ZNF431: variants seen among roughly 807,000 people sequenced by gnomAD.
ZNF431 encodes the protein zinc finger protein 431.
A neutral mutation model predicts 57.0 loss-of-function variants in ZNF431; 34 were observed. The ratio of observed to expected loss-of-function variants is 0.60; its 90% confidence interval spans 0.45 to 0.79. The LOEUF is 0.79. Ranked by LOEUF, ZNF431 falls within the 30% of genes least tolerant of loss-of-function variation. The pLI, the probability that ZNF431 is intolerant of heterozygous loss-of-function variation, is 0.00. For missense variants in ZNF431, 607 were observed against 667.1 expected, an observed-to-expected ratio of 0.91 and a Z score of 0.99; for synonymous variants, 207 against 220.3, an observed-to-expected ratio of 0.94 and a Z score of 0.54.
In ZNF431 at chr19:21,164,064, C is replaced by T. The variant is rs182014631; in HGVS notation, c.97-2271C>T. 6.7e-3 allele frequency among the ~76,000 whole-genome samples: 845 copies of T among 126,264 alleles called. 9 individuals are homozygous for T. The highest frequency in any genetic ancestry group is 0.026 in the African/African-American group (817 of 31,482). The allele number at this position is 126,264 out of a possible 152,430, so 82.8% of individuals were successfully genotyped here. A position where few individuals can be genotyped will look rare whatever the true frequency, so the allele number is the denominator to read the frequency against. On this transcript the variant is annotated intron_variant, in intron 2 of 4. Coordinates refer to ENST00000311048, the MANE Select transcript of ZNF431 (RefSeq NM_133473.4). ...CCATTACACTCGAGCCTGGTAAGAG[C>T]GTGAAACTCCATCTCAAAAAAAAAA...
Position 21,183,163 on chromosome 19 carries a change from C to A in ZNF431, c.860C>A (p.Pro287Gln). 3 of 1,613,868 alleles carry A rather than the reference C, an allele frequency of 1.9e-6. No homozygotes were observed. Among genetic ancestry groups the A allele is most frequent in the Non-Finnish European group, 2.5e-6 (3 of 1,179,928 alleles). Residue 287 changes from proline (P) to glutamine (Q), a missense_variant, in exon 5 of 5, where the codon CCA becomes CAA. Coordinates refer to ENST00000311048, the MANE Select transcript of ZNF431 (RefSeq NM_133473.4). ...THKIIHTGEK[P>Q]YRCEECGKAF... ...AAGATAATTCATACTGGGGAGAAAC[C>A]ATATAGATGTGAAGAATGTGGCAAA...
At chr19:21,169,359 G>T (rs1471727148) in intron 4 of ZNF431, among the ~76,000 whole-genome samples, 1 of 152,020 alleles carries the variant, frequency 6.6e-6, no homozygotes, top group African/African-American at 2.4e-5. Flanking sequence ...CATACTTTCA[G>T]TGCTACCTTA....
rs1207568929 is a variant in ZNF431 at position 21,186,045 on chromosome 19, G to A, written c.*2011G>A. On this transcript the variant is annotated 3_prime_UTR_variant, in exon 5 of 5. Transcript: ENST00000311048. ...GTCTGTAATCCCAGCACTTTGACAGGCTGAGCGAGGGAGTGGATCTTGAGG... is the reference window on the plus strand; with the variant it reads ...GTCTGTAATCCCAGCACTTTGACAGACTGAGCGAGGGAGTGGATCTTGAGG... 1.3e-5 allele frequency: 2 copies of A among 152,076 alleles called. No homozygotes were observed. The highest frequency in any genetic ancestry group is 2.9e-5 in the Non-Finnish European group (2 of 68,028). 9.4% of individuals were successfully genotyped at this position (152,076 alleles called of 1,614,324 possible).
intron 2 of ZNF431, among the ~76,000 whole-genome samples, chr19:21,164,703 T>C (rs966615787): frequency 3.3e-5 from 5 of 152,094 alleles, no homozygotes; most frequent in African/African-American, 1.2e-4. Flanking sequence ...CTCTGCCTCC[T>C]GGAGTGCCAT....
At chr19:21,151,973 G>A (rs1215096132) in intron 2 of ZNF431, among the ~76,000 whole-genome samples, 2 of 151,932 alleles carry the variant, frequency 1.3e-5, no homozygotes, top group Non-Finnish European at 2.9e-5. Context: ...CCATTTCCCC[G>A]AGTGGCCCTA....
intron 2 of ZNF431, among the ~76,000 whole-genome samples, chr19:21,151,478 A>G (rs1198569675): frequency 2.0e-5 from 3 of 152,214 alleles, no homozygotes; most frequent in Non-Finnish European, 2.9e-5. Context: ...TGAAAAGAAA[A>G]TTCAAGGTGG....
chr19:21,188,513 G>A lies in ZNF431; in HGVS notation c.*4479G>A, dbSNP rs1037216007. ...CAGAATCTTTTATTTTTAAGTGTGA[G>A]TGTTAAAGGTTACAAAATAATGAAA... is the stretch of plus-strand genomic sequence containing the variant. On this transcript the variant is annotated 3_prime_UTR_variant, in exon 5 of 5. Transcript: ENST00000311048. The A allele has an allele frequency of 6.6e-6, 1 of 152,120 alleles. No homozygotes were observed. The allele number at this position is 152,120 out of a possible 1,614,324, so 9.4% of individuals were successfully genotyped here. A position where few individuals can be genotyped will look rare whatever the true frequency, so the allele number is the denominator to read the frequency against.
chr19:21,149,125 A>G (rs549173484), intron 2 of ZNF431, among the ~76,000 whole-genome samples: 27 of 152,350 alleles, frequency 1.8e-4, no homozygotes, highest in African/African-American at 6.0e-4. Flanking sequence ...AGAATTTACT[A>G]TACAACATCT....
intron 2 of ZNF431, among the ~76,000 whole-genome samples, chr19:21,152,942 A>T (rs150666698): frequency 1.3e-5 from 2 of 152,236 alleles, no homozygotes; most frequent in African/African-American, 4.8e-5. Context: ...CCGTAAAGTG[A>T]TAGCAAGTTA....
At chr19:21,144,785 G>A (rs954380217) in intron 2 of ZNF431, among the ~76,000 whole-genome samples, 1 of 152,130 alleles carries the variant, frequency 6.6e-6, no homozygotes, top group East Asian at 1.9e-4. Context: ...TAATGTGGTA[G>A]ATAATTGGTG....
intron 2 of ZNF431, among the ~76,000 whole-genome samples, chr19:21,154,289 G>C (rs1337625591): frequency 6.6e-6 from 1 of 152,008 alleles, no homozygotes; most frequent in Non-Finnish European, 1.5e-5. Flanking sequence ...TTGTCCTTGC[G>C]ATAGTTTGCT....
chr19:21,180,095 C>T (rs1194841688), intron 4 of ZNF431, among the ~76,000 whole-genome samples: 2 of 152,230 alleles, frequency 1.3e-5, no homozygotes, highest in Middle Eastern at 3.4e-3. Flanking sequence ...CTATGTTGGT[C>T]AGGCTGGTCC....
At position 21,188,706 on chromosome 19, in the gene ZNF431, C is replaced by T. The variant is rs1458630264; in HGVS notation, c.*4672C>T. On this transcript the variant is annotated 3_prime_UTR_variant, in exon 5 of 5. Coordinates refer to ENST00000311048, the MANE Select transcript of ZNF431 (RefSeq NM_133473.4). ...GTAGCCAACTCTTGGGTCATTTTCT[C>T]TGAAAAACATTTGGAGATCATGACA... 6.6e-6 allele frequency: 1 copy of T among 152,106 alleles called. No individual in the cohort carries two copies. Among genetic ancestry groups the T allele is most frequent in the African/African-American group, 2.4e-5 (1 of 41,426 alleles). 9.4% of individuals were successfully genotyped at this position (152,106 alleles called of 1,614,324 possible).
rs981669826 is a variant in ZNF431 at position 21,195,072 on chromosome 19, G to C, written c.*11038G>C. 1 of 152,204 alleles carries C rather than the reference G, an allele frequency of 6.6e-6. No individual in the cohort carries two copies. The highest frequency in any genetic ancestry group is 1.5e-5 in the Non-Finnish European group (1 of 68,034). 9.4% of individuals were successfully genotyped at this position (152,204 alleles called of 1,614,324 possible). On this transcript the variant is annotated 3_prime_UTR_variant, in exon 5 of 5. Transcript: ENST00000311048. ...AATAACAACATTTGCAGGCTCATGAGAGCTGCCTGACAAAAAGCGTGTAAA... is the reference window on the plus strand; with the variant it reads ...AATAACAACATTTGCAGGCTCATGACAGCTGCCTGACAAAAAGCGTGTAAA...
At chr19:21,142,415 C>A (rs1969967465) in intron 1 of ZNF431, among the ~76,000 whole-genome samples, 1 of 152,180 alleles carries the variant, frequency 6.6e-6, no homozygotes, top group Non-Finnish European at 1.5e-5. Context: ...TGTGCCCTGG[C>A]CTGGAGCCCT....
At chr19:21,165,092 C>A (rs1245907066) in intron 2 of ZNF431, among the ~76,000 whole-genome samples, 7 of 132,918 alleles carry the variant, frequency 5.3e-5, no homozygotes, top group South Asian at 2.5e-4. Context: ...CTGGGCAACT[C>A]AAAAAAAAAA....
intron 2 of ZNF431, among the ~76,000 whole-genome samples, chr19:21,165,921 A>G (rs1165734614): frequency 1.3e-5 from 2 of 152,220 alleles, no homozygotes; most frequent in Non-Finnish European, 1.5e-5. Flanking sequence ...TCTGAAAAAT[A>G]TAAAAAAATC....
rs1251766704 is a variant in ZNF431 at position 21,191,138 on chromosome 19, G to A, written c.*7104G>A. On this transcript the variant is annotated 3_prime_UTR_variant, in exon 5 of 5. Transcript: ENST00000311048. The stretch of plus-strand genomic sequence containing the variant: ...TGATCTGACTTATTTTTCCTTTTGT[G>A]TCCTGGGATGTTTAGGTTAAATCAA... 1 of 151,770 alleles carries A rather than the reference G, an allele frequency of 6.6e-6. No homozygotes were observed. The highest frequency in any genetic ancestry group is 1.5e-5 in the Non-Finnish European group (1 of 67,986). The allele number at this position is 151,770 out of a possible 1,614,324, so 9.4% of individuals were successfully genotyped here.
At chr19:21,159,538 A>G (rs1403522380) in intron 2 of ZNF431, among the ~76,000 whole-genome samples, 1 of 151,960 alleles carries the variant, frequency 6.6e-6, no homozygotes, top group Non-Finnish European at 1.5e-5. Context: ...ACACCCAGGT[A>G]ATTTTTGTAT....
Sources: gnomAD v4.1 joint callset for allele counts (sites outside exome capture counted in the v4.1 genomes callset) on GRCh38, gnomAD v4.1.1 for gene constraint, MANE v1.5 for transcripts, NCBI Gene and HGNC (gene_info 2026-07-23, HGNC 2026-07-21) for gene names.